Variants in PPA1 observed in about 807,000 individuals in gnomAD.
The protein encoded by PPA1 is inorganic pyrophosphatase.
PPA1 carries 23 observed loss-of-function variants against 41.8 expected under a neutral mutation model. That is an observed-to-expected ratio of 0.55 (90% CI 0.40 to 0.78). The LOEUF (loss-of-function observed/expected upper bound fraction) is 0.78. PPA1 is among the 30% of genes least tolerant of loss of function. PPA1 has a pLI of 0.00. For synonymous variants in PPA1, 101 were observed against 116.8 expected, an observed-to-expected ratio of 0.86 and a Z score of 0.87; for missense variants, 320 against 361.6, an observed-to-expected ratio of 0.89 and a Z score of 0.93.
chr10:70,220,846 T>TAA, intron 2 of PPA1, among the ~76,000 whole-genome samples: 1 of 39,878 alleles, frequency 2.5e-5, no homozygotes, highest in South Asian at 6.6e-4. Context: ...TTTATATATA[T>TAA]TATATATATA....
intron 6 of PPA1, among the ~76,000 whole-genome samples, chr10:70,210,784 GAGA>G (rs1840008835): frequency 2.6e-5 from 2 of 78,124 alleles, no homozygotes; most frequent in Non-Finnish European, 6.0e-5. Context: ...TTTTTTTTTT[GAGA>G]AGGAGTCTCG....
At chr10:70,216,185 T>C (rs1840078918) in intron 4 of PPA1, among the ~76,000 whole-genome samples, 1 of 152,140 alleles carries the variant, frequency 6.6e-6, no homozygotes. Flanking sequence ...CAAGGCTAAA[T>C]ACTATTAATA....
chr10:70,203,384 T>C (rs1839902664), intron 10 of PPA1, among the ~76,000 whole-genome samples, 198 bp from the exon 11 acceptor site: 1 of 152,156 alleles, frequency 6.6e-6, no homozygotes, highest in Admixed American at 6.5e-5. Context: ...TCATGCTAAT[T>C]GCATAGTGTG....
At chr10:70,226,775 C>T (rs925329103) in intron 2 of PPA1, among the ~76,000 whole-genome samples, 3 of 152,196 alleles carry the variant, frequency 2.0e-5, no homozygotes, top group Non-Finnish European at 4.4e-5. Context: ...AAGAAAAATG[C>T]ATTTATGCCA....
intron 1 of PPA1, among the ~76,000 whole-genome samples, chr10:70,231,781 T>C (rs1257327047): frequency 1.3e-5 from 2 of 149,602 alleles, no homozygotes; most frequent in African/African-American, 5.1e-5. Flanking sequence ...AGAGTTCCAC[T>C]TGATAAAAAC....
intron 9 of PPA1, chr10:70,205,981 C>A: frequency 2.8e-6 from 1 of 360,864 alleles, no homozygotes; most frequent in East Asian, 4.7e-5. Context: ...GGGTCATAGG[C>A]ACACAGGTTA....
intron 8 of PPA1, among the ~76,000 whole-genome samples, chr10:70,207,234 T>C (rs983247124): frequency 3.3e-5 from 5 of 152,110 alleles, no homozygotes; most frequent in Non-Finnish European, 7.4e-5. Flanking sequence ...TTAATAGTGG[T>C]GAAAAATTGG....
intron 2 of PPA1, among the ~76,000 whole-genome samples, chr10:70,227,810 T>C (rs546905297): frequency 1.2e-4 from 18 of 152,236 alleles, no homozygotes; most frequent in Non-Finnish European, 2.4e-4. Flanking sequence ...CATTCCCTCA[T>C]TATAATCCCT....
At chr10:70,232,736 A>G (rs1296157348) in intron 1 of PPA1, among the ~76,000 whole-genome samples, 1 of 151,898 alleles carries the variant, frequency 6.6e-6, no homozygotes, top group African/African-American at 2.4e-5. Flanking sequence ...GCCTTCACAG[A>G]CGGCTCCCGA....
chr10:70,204,702 G>T, intron 10 of PPA1, 171 bp downstream of exon 10: 1 of 542,380 alleles, frequency 1.8e-6, no homozygotes, highest in Non-Finnish European at 3.2e-6. Context: ...GTGAGGTAAT[G>T]ATTTCGTAAT....
intron 2 of PPA1, among the ~76,000 whole-genome samples, chr10:70,223,310 T>A (rs1416681005): frequency 6.6e-6 from 1 of 152,010 alleles, no homozygotes; most frequent in African/African-American, 2.4e-5. Context: ...CAACTCCTGG[T>A]CTCAAGCAAT....
Position 70,217,941 on chromosome 10 carries a change from G to C in PPA1, c.178-10C>G, listed in dbSNP as rs769083614. On this transcript the variant is annotated splice_polypyrimidine_tract_variant and intron_variant, in intron 3 of 10. Transcript: ENST00000373232. The stretch of plus-strand genomic sequence containing the variant: ...GGTCCTTTGTAGCAATCTGAAATAA[G>C]AAAATTTCAAATCTTTGCATATTTG... 9 of 1,531,684 alleles carry C rather than the reference G, an allele frequency of 5.9e-6. No individual in the cohort carries two copies. In the Admixed American group the frequency reaches 1.8e-4, roughly 31 times the overall value. The allele number at this position is 1,531,684 out of a possible 1,614,324, so 94.9% of individuals were successfully genotyped here.
chr10:70,229,608 T>G (rs1471652047), intron 2 of PPA1, among the ~76,000 whole-genome samples: 1 of 152,254 alleles, frequency 6.6e-6, no homozygotes, highest in Non-Finnish European at 1.5e-5. Context: ...GTGCAAATCT[T>G]AACGGTACTA....
intron 2 of PPA1, among the ~76,000 whole-genome samples, chr10:70,220,204 ACAGG>A (rs1284237003): frequency 6.6e-6 from 1 of 150,828 alleles, no homozygotes; most frequent in Non-Finnish European, 1.5e-5. Context: ...TGCTGGGATT[ACAGG>A]TGTAAGCCAC....
At chr10:70,232,861 C>G (rs911677226) in intron 1 of PPA1, among the ~76,000 whole-genome samples, 13 of 152,100 alleles carry the variant, frequency 8.5e-5, no homozygotes, top group South Asian at 2.1e-4. Context: ...ACTGCCCCCC[C>G]CGGCCCGGAG....
chr10:70,230,416 A>G lies in PPA1; in HGVS notation c.65-17T>C. 1 of 1,594,662 alleles carries G rather than the reference A, an allele frequency of 6.3e-7. No homozygotes were observed. Among genetic ancestry groups the G allele is most frequent in the Non-Finnish European group, 8.6e-7 (1 of 1,166,620 alleles). ...TCTCATTTTCTGCAAAATAAATTAG[A>G]AAAAGTTATTACTATAATTAATTGT... On this transcript the variant is annotated splice_polypyrimidine_tract_variant and intron_variant, in intron 1 of 10. Coordinates refer to ENST00000373232, the MANE Select transcript of PPA1 (RefSeq NM_021129.4).
rs1239446740 is a variant in PPA1 at position 70,210,859 on chromosome 10, G to A, written c.512-1174C>T. 4.0e-5 allele frequency among the ~76,000 whole-genome samples: 6 copies of A among 150,888 alleles called. No individual in the cohort carries two copies. In the East Asian group the frequency reaches 9.7e-4, roughly 24 times the overall value. On this transcript the variant is annotated intron_variant, in intron 6 of 10. Transcript: ENST00000373232. ...CGGCTCACTGCAAGCTCTGCCTCCC[G>A]GGTTCACGCCATTCTCCTGCCTCAG...
intron 2 of PPA1, among the ~76,000 whole-genome samples, chr10:70,226,575 A>G (rs1161929723): frequency 2.0e-5 from 3 of 152,030 alleles, no homozygotes; most frequent in Non-Finnish European, 4.4e-5. Flanking sequence ...AAAGAAAGAA[A>G]AAGCTGCTAT....
chr10:70,209,454 T>C (rs1027927492), intron 7 of PPA1, 104 bp downstream of exon 7: 22 of 1,409,670 alleles, frequency 1.6e-5, no homozygotes, highest in Non-Finnish European at 1.8e-5. Flanking sequence ...CTGTGTTATG[T>C]TTCCAGACTT....
Sources: allele counts gnomAD v4.1 joint callset (sites outside exome capture counted in the v4.1 genomes callset), GRCh38; gene constraint gnomAD v4.1.1; transcripts MANE v1.5; gene names NCBI Gene and HGNC (gene_info 2026-07-23, HGNC 2026-07-21).